The following ANKRD34A variants were observed in gnomAD, a reference collection of about 807,000 sequenced individuals.
ANKRD34A encodes the protein ankyrin repeat domain-containing protein 34A.
ANKRD34A carries 7 observed loss-of-function variants against 27.1 expected under a neutral mutation model. The observed-to-expected ratio is 0.26, with a 90% CI of 0.15 to 0.49. ANKRD34A has a LOEUF of 0.49. Ranked by LOEUF, ANKRD34A falls within the 20% of genes least tolerant of loss-of-function variation. ANKRD34A has a pLI of 0.99. For synonymous variants in ANKRD34A, 301 were observed against 300.8 expected (o/e 1.00, Z -0.01); for missense variants, 472 against 682.1 (o/e 0.69, Z 3.43).
chr1:145,960,677 G>A lies in ANKRD34A; in HGVS notation c.1083C>T (p.Arg361=), dbSNP rs782467468. The change falls in exon 4 of 4, where the codon CGC becomes CGT. Residue 361 remains arginine, a synonymous_variant. Transcript: ENST00000606888. The surrounding 1 kb of genome is among the most constrained non-coding windows in gnomAD (Gnocchi z 5.5). ...TCAACGGGGAGGCGCTGTATCGGCG[G>A]CGCTCCAGGGACAGGCGGCTGGACT... is the stretch of plus-strand genomic sequence containing the variant. ...SPESSRLSLE[R]RRYSASPLTL... 2 of 1,604,280 alleles carry A rather than the reference G, an allele frequency of 1.2e-6. No homozygotes were observed. Among genetic ancestry groups the A allele is most frequent in the Non-Finnish European group, 1.7e-6 (2 of 1,174,424 alleles).
intron 3 of ANKRD34A, 93 bp downstream of exon 3, chr1:145,962,328 G>A (rs1319309501): frequency 6.5e-6 from 1 of 153,590 alleles, no homozygotes; most frequent in African/African-American, 2.4e-5. Context: ...CCTAAAACGG[G>A]TGGAGGGAGA....
chr1:145,960,304 G>T lies in ANKRD34A; in HGVS notation c.1456C>A (p.Gln486Lys). 1 of 1,580,068 alleles carries T rather than the reference G, an allele frequency of 6.3e-7. No homozygotes were observed. The change falls in exon 4 of 4, where the codon CAG becomes AAG. Residue 486 changes from glutamine to lysine, a missense_variant. Physicochemically the swap from Gln to Lys is moderately conservative, Grantham distance 53 (BLOSUM62 1). Coordinates refer to ENST00000606888, the MANE Select transcript of ANKRD34A (RefSeq NM_001039888.4). The surrounding 1 kb of genome is among the most constrained non-coding windows in gnomAD (Gnocchi z 5.5). Reference sequence around the variant, plus strand: ...GGCTCCCCAGGCCCACCTAGACTCTGGAAGCCCCCCAGCAGGCGGATCTGC... The same window carrying T: ...GGCTCCCCAGGCCCACCTAGACTCTTGAAGCCCCCCAGCAGGCGGATCTGC... ...TEQIRLLGGF[Q>K]SLGGPGEPGR
rs781794145 is a variant in ANKRD34A, at chr1:145,960,600, A to C, written c.1160T>G (p.Leu387Arg). 1 of 1,585,682 alleles carries C rather than the reference A, an allele frequency of 6.3e-7. No individual in the cohort carries two copies. The highest frequency in any genetic ancestry group is 8.6e-7 in the Non-Finnish European group (1 of 1,163,898). Residue 387 changes from leucine to arginine, a missense_variant, in exon 4 of 4, where the codon CTG (leucine) becomes CGG (arginine). Around this residue, in one of 4 missense-constraint regions of ANKRD34A, gnomAD observed 295 missense variants for 335.0 expected, o/e 0.88. Transcript: ENST00000606888. The surrounding 1 kb of genome is among the most constrained non-coding windows in gnomAD (Gnocchi z 5.5). ...GCTTAGCGGAGATACTGCCCCTGGC[A>C]GACTCTCCTGGGACTGGCGCGGAGA... ...APSPRQSQES[L>R]PGAVSPLSGR...
chr1:145,962,881 G>C lies in ANKRD34A; in HGVS notation c.-581C>G, dbSNP rs1454807249. The C allele has an allele frequency of 3.9e-5, 6 of 152,462 alleles. No homozygotes were observed. The East Asian group carries it at 1.2e-3, about 29-fold the overall frequency. The allele number at this position is 152,462 out of a possible 1,614,324, so 9.4% of individuals were successfully genotyped here. A position where few individuals can be genotyped will look rare whatever the true frequency, so the allele number is the denominator to read the frequency against. On this transcript the variant is annotated 5_prime_UTR_variant, in exon 3 of 4. It adds an upstream start codon to the 5' untranslated region. Transcript: ENST00000606888. ...GACCATCATCCAGATTCTTCGCTGA[G>C]ATTCAGCAGATCCCCATTCTCCGCA...
chr1:145,961,077 G>A lies in ANKRD34A; in HGVS notation c.683C>T (p.Ser228Phe). ...GCGTGGTGGTTTGGGGAGCGGCTCG[G>A]AAGGGGATGGGTCATCGGGGGGCTT... ...LPKPPDDPSP[S>F]EPLPKPPRHP... The change falls in exon 4 of 4, where the codon TCC becomes TTC. Residue 228 changes from serine (S) to phenylalanine (F), a missense_variant. Physicochemically the swap from Ser to Phe is radical, Grantham distance 155. Coordinates refer to ENST00000606888, the MANE Select transcript of ANKRD34A (RefSeq NM_001039888.4). The surrounding 1 kb of genome is among the most constrained non-coding windows in gnomAD (Gnocchi z 9.5). The A allele has an allele frequency of 2.5e-6, 4 of 1,613,772 alleles. No individual in the cohort carries two copies. Among genetic ancestry groups the A allele is most frequent in the Non-Finnish European group, 3.4e-6 (4 of 1,179,770 alleles).
chr1:145,960,347 G>T lies in ANKRD34A; in HGVS notation c.1413C>A (p.Arg471=). 6.2e-7 allele frequency: 1 copy of T among 1,613,294 alleles called. No individual in the cohort carries two copies. The highest frequency in any genetic ancestry group is 8.5e-7 in the Non-Finnish European group (1 of 1,179,558). The change falls in exon 4 of 4, where the codon CGC becomes CGA. Residue 471 remains arginine, a synonymous_variant. Transcript: ENST00000606888. The surrounding 1 kb of genome is among the most constrained non-coding windows in gnomAD (Gnocchi z 5.5). Reference sequence around the variant, plus strand: ...GGATCTGCTCAGTCTGCATGGAGTGGCGTCTCACCAATTTGCGCTTGGTCC... The same window carrying T: ...GGATCTGCTCAGTCTGCATGGAGTGTCGTCTCACCAATTTGCGCTTGGTCC... ...SPRTKRKLVR[R]HSMQTEQIRL... is the part of the protein sequence containing the mutation.
In ANKRD34A at chr1:145,960,273, C is replaced by A; in HGVS notation, c.1487G>T (p.Arg496Leu). The change falls in exon 4 of 4, where the codon CGC becomes CTC. Residue 496 changes from arginine (R) to leucine (L), a missense_variant. This residue lies in a region of ANKRD34A where 53 missense variants were observed against 70.3 expected (regional missense o/e 0.75). Transcript: ENST00000606888. The surrounding 1 kb of genome is among the most constrained non-coding windows in gnomAD (Gnocchi z 5.5). The stretch of plus-strand genomic sequence containing the variant: ...CCTTGGCTCCTCTCACTCCTCTCAG[C>A]GCCCTGGCTCCCCAGGCCCACCTAG... The part of the protein sequence containing the change: ...QSLGGPGEPG[R>L] 6.6e-7 allele frequency: 1 copy of A among 1,523,588 alleles called. No homozygotes were observed. Among genetic ancestry groups the A allele is most frequent in the Non-Finnish European group, 8.8e-7 (1 of 1,135,118 alleles). The allele number at this position is 1,523,588 out of a possible 1,614,324, so 94.4% of individuals were successfully genotyped here.
In ANKRD34A at chr1:145,960,799, G is replaced by C. The variant is rs782203099; in HGVS notation, c.961C>G (p.Gln321Glu). 1 of 1,614,264 alleles carries C rather than the reference G, an allele frequency of 6.2e-7. No homozygotes were observed. The highest frequency in any genetic ancestry group is 1.1e-5 in the South Asian group (1 of 91,088). Residue 321 changes from glutamine to glutamate, a missense_variant, in exon 4 of 4, where the codon CAG becomes GAG. Coordinates refer to ENST00000606888, the MANE Select transcript of ANKRD34A (RefSeq NM_001039888.4). The surrounding 1 kb of genome is among the most constrained non-coding windows in gnomAD (Gnocchi z 5.5). ...AGCCCTGAAGGGGGACCAGACTCCT[G>C]AGCTTCTGGTGCTGTGTTTCGGCGA... is the stretch of plus-strand genomic sequence containing the variant. ...LSRRNTAPEA[Q>E]ESGPPSGLRQ...
Position 145,961,616 on chromosome 1 carries a change from G to A in ANKRD34A, c.144C>T (p.Ala48=). The stretch of plus-strand genomic sequence containing the variant: ...CCTTGTTCTGGGGGTCGTCGTAGCG[G>A]GCCCGACAGGCTGCCATTAGCGCAG... ...GETALMAACR[A]RYDDPQNKAR... Residue 48 remains alanine, a synonymous_variant, in exon 4 of 4, where the codon GCC becomes GCT. Coordinates refer to ENST00000606888, the MANE Select transcript of ANKRD34A (RefSeq NM_001039888.4). The surrounding 1 kb of genome is among the most constrained non-coding windows in gnomAD (Gnocchi z 9.5). 6.2e-7 allele frequency: 1 copy of A among 1,612,184 alleles called. No individual in the cohort carries two copies. Among genetic ancestry groups the A allele is most frequent in the Non-Finnish European group, 8.5e-7 (1 of 1,178,950 alleles).
Position 145,961,884 on chromosome 1 carries a change from A to C in ANKRD34A, c.-120-5T>G. The C allele has an allele frequency of 2.7e-6, 3 of 1,111,486 alleles. No individual in the cohort carries two copies. The highest frequency in any genetic ancestry group is 2.8e-5 in the Admixed American group (1 of 35,186). The allele number at this position is 1,111,486 out of a possible 1,614,324, so 68.9% of individuals were successfully genotyped here. On this transcript the variant is annotated splice_polypyrimidine_tract_variant and splice_region_variant and intron_variant, in intron 3 of 3. Transcript: ENST00000606888. The surrounding 1 kb of genome is among the most constrained non-coding windows in gnomAD (Gnocchi z 9.5). ...TCTCAGTGACGAAGCCGATCCCTGC[A>C]AGAGAGACATCTCATTGATAGATTC...
intron 2 of ANKRD34A, 40 bp from the exon 3 acceptor site, chr1:145,963,008 G>A (rs1301539360): frequency 6.6e-6 from 1 of 152,330 alleles, no homozygotes; most frequent in Non-Finnish European, 1.5e-5. Flanking sequence ...TGGATCCACA[G>A]CCGGTGTCCA....
chr1:145,960,510 A>G lies in ANKRD34A; in HGVS notation c.1250T>C (p.Ile417Thr). The G allele has an allele frequency of 6.3e-7, 1 of 1,599,448 alleles. No homozygotes were observed. The highest frequency in any genetic ancestry group is 1.7e-5 in the Admixed American group (1 of 58,314). The stretch of plus-strand genomic sequence containing the variant: ...TAGGAAACCCGGCCGCGTTTGCGAG[A>G]TGTGGTCCAGGAGCAACGTCCCCGA... Reference protein sequence around the residue: ...RGSGTLLLDHISQTRPGFLPP... With the variant: ...RGSGTLLLDHTSQTRPGFLPP... The change falls in exon 4 of 4, where the codon ATC becomes ACC. Residue 417 changes from isoleucine (I) to threonine (T), a missense_variant. Physicochemically the swap from Ile to Thr is moderately conservative, Grantham distance 89 (BLOSUM62 -1). Transcript: ENST00000606888. The surrounding 1 kb of genome is among the most constrained non-coding windows in gnomAD (Gnocchi z 5.5).
In ANKRD34A at chr1:145,960,564, CG is replaced by C; in HGVS notation, c.1195del (p.Arg399GlyfsTer71). The C allele has an allele frequency of 6.3e-7, 1 of 1,582,224 alleles. No homozygotes were observed. Among genetic ancestry groups the C allele is most frequent in the South Asian group, 1.2e-5 (1 of 86,606 alleles). ...CCTCCGCTCCAGCAGCCCCGGACTC[CG>C]CCTCCTTCCGCTTAGCGGAGATACT... ...GAVSPLSGRR[R>X]SPGLLERRGS... On this transcript the variant is annotated frameshift_variant, in exon 4 of 4. Coordinates refer to ENST00000606888, the MANE Select transcript of ANKRD34A (RefSeq NM_001039888.4). LOFTEE classifies it high-confidence loss of function. This position sits in a 1 kb window ranked among gnomAD's most constrained non-coding sequence, Gnocchi z 5.5.
chr1:145,962,769 A>G lies in ANKRD34A; in HGVS notation c.-469T>C, dbSNP rs1304202755. 2 of 151,004 alleles carry G rather than the reference A, an allele frequency of 1.3e-5. No homozygotes were observed. Among genetic ancestry groups the G allele is most frequent in the Non-Finnish European group, 2.9e-5 (2 of 68,082 alleles). The allele number at this position is 151,004 out of a possible 1,614,324, so 9.4% of individuals were successfully genotyped here. ...AACCCTCAAAAACCTAGAGGCTCCAATCCTGACTTCCTTTTCTCAGCCGAC... is the reference window on the plus strand; with the variant it reads ...AACCCTCAAAAACCTAGAGGCTCCAGTCCTGACTTCCTTTTCTCAGCCGAC... On this transcript the variant is annotated 5_prime_UTR_variant, in exon 3 of 4. Coordinates refer to ENST00000606888, the MANE Select transcript of ANKRD34A (RefSeq NM_001039888.4).
Position 145,961,741 on chromosome 1 carries a change from G to T in ANKRD34A, c.19C>A (p.His7Asn), listed in dbSNP as rs150217822. 4 of 1,612,856 alleles carry T rather than the reference G, an allele frequency of 2.5e-6. No homozygotes were observed. The African/African-American group carries it at 5.3e-5, about 22-fold the overall frequency. ...TGACCCACCGCCCGAAGAAGAGCGT[G>T]GCCCTCGGTGTGCAACATAGCTGCG... MLHTEG[H>N]ALLRAVGQGK... The change falls in exon 4 of 4, where the codon CAC (histidine) becomes AAC (asparagine). Residue 7 changes from histidine (H) to asparagine (N), a missense_variant. His to Asn is a moderately conservative substitution (Grantham distance 68). This residue lies in a region of ANKRD34A where 118 missense variants were observed against 253.6 expected (regional missense o/e 0.47). Coordinates refer to ENST00000606888, the MANE Select transcript of ANKRD34A (RefSeq NM_001039888.4). This position sits in a 1 kb window ranked among gnomAD's most constrained non-coding sequence, Gnocchi z 9.5.
Position 145,960,710 on chromosome 1 carries a change from G to A in ANKRD34A, c.1050C>T (p.Asp350=). 7 of 1,613,192 alleles carry A rather than the reference G, an allele frequency of 4.3e-6. No individual in the cohort carries two copies. The highest frequency in any genetic ancestry group is 5.9e-6 in the Non-Finnish European group (7 of 1,179,376). ...ELDTPGHLCP[D]SPESSRLSLE... ...GGGACAGGCGGCTGGACTCAGGCGA[G>A]TCAGGGCAAAGGTGTCCAGGGGTGT... Residue 350 remains aspartate, a synonymous_variant, in exon 4 of 4, where the codon GAC becomes GAT. Coordinates refer to ENST00000606888, the MANE Select transcript of ANKRD34A (RefSeq NM_001039888.4). The surrounding 1 kb of genome is among the most constrained non-coding windows in gnomAD (Gnocchi z 5.5).
chr1:145,962,068 C>A (rs1314936441), intron 3 of ANKRD34A, among the ~76,000 whole-genome samples, 189 bp from the exon 4 acceptor site: 2 of 152,200 alleles, frequency 1.3e-5, no homozygotes, highest in Non-Finnish European at 1.5e-5. Context: ...GAAGGACTAG[C>A]GCGCGTGCAA....
rs587648195 is a variant in ANKRD34A at position 145,961,214 on chromosome 1, C to T, written c.546G>A (p.Thr182=). 6 of 1,614,040 alleles carry T rather than the reference C, an allele frequency of 3.7e-6. No individual in the cohort carries two copies. The Admixed American group carries it at 5.0e-5, about 13-fold the overall frequency. Residue 182 remains threonine (T), a synonymous_variant, in exon 4 of 4, where the codon ACG becomes ACA. Coordinates refer to ENST00000606888, the MANE Select transcript of ANKRD34A (RefSeq NM_001039888.4). This position sits in a 1 kb window ranked among gnomAD's most constrained non-coding sequence, Gnocchi z 9.5. ...APASPSPGFC[T]SPSEIQLQTA... is the part of the protein sequence containing the mutation. ...TCTGCAGTTGGATTTCCGAAGGCGACGTGCAGAACCCCGGGCTAGGAGAGG... is the reference window on the plus strand; with the variant it reads ...TCTGCAGTTGGATTTCCGAAGGCGATGTGCAGAACCCCGGGCTAGGAGAGG...
chr1:145,961,115 T>C lies in ANKRD34A; in HGVS notation c.645A>G (p.Glu215=). 1 of 1,613,828 alleles carries C rather than the reference T, an allele frequency of 6.2e-7. No individual in the cohort carries two copies. ...QEEEEKRDVF[E]FPLPKPPDDP... ...CATCGGGGGGCTTAGGAAGAGGGAA[T>C]TCAAATACGTCCCGCTTCTCCTCTT... The change falls in exon 4 of 4, where the codon GAA becomes GAG. Residue 215 remains glutamate, a synonymous_variant. Coordinates refer to ENST00000606888, the MANE Select transcript of ANKRD34A (RefSeq NM_001039888.4). This position sits in a 1 kb window ranked among gnomAD's most constrained non-coding sequence, Gnocchi z 9.5.
Sources: gnomAD v4.1 joint callset for allele counts (sites outside exome capture counted in the v4.1 genomes callset) on GRCh38, gnomAD v4.1.1 for gene constraint, gnomAD v4.1.1 regional missense constraint, Gnocchi (gnomAD v3.1) non-coding constraint, MANE v1.5 for transcripts, NCBI Gene and HGNC (gene_info 2026-07-23, HGNC 2026-07-21) for gene names.